The following TEAD1 variants were observed in gnomAD, a reference collection of about 807,000 sequenced individuals.
The protein encoded by TEAD1 is transcriptional enhancer factor TEF-1.
TEAD1 carries 9 observed loss-of-function variants against 54.9 expected under a neutral mutation model. The ratio of observed to expected loss-of-function variants is 0.16; its 90% CI spans 0.10 to 0.29. The LOEUF (loss-of-function observed/expected upper bound fraction) is 0.29. TEAD1 is among the 10% of genes least tolerant of loss of function. The probability of loss-of-function intolerance (pLI) is 1.00; values close to 1 mark genes in which losing one functional copy is unlikely to be tolerated. For missense variants in TEAD1, 387 were observed against 535.9 expected (o/e 0.72, Z 2.74); for synonymous variants, 200 against 187.8 (o/e 1.07, Z -0.53).
intron 2 of TEAD1, among the ~76,000 whole-genome samples, chr11:12,763,195 G>C (rs1945135381): frequency 6.6e-6 from 1 of 152,176 alleles, no homozygotes; most frequent in Non-Finnish European, 1.5e-5. Flanking sequence ...ATGACCATAG[G>C]TTATATACAT....
chr11:12,777,466 C>A (rs539299626), intron 3 of TEAD1, among the ~76,000 whole-genome samples: 46 of 152,290 alleles, frequency 3.0e-4, no homozygotes, highest in Admixed American at 1.8e-3. Flanking sequence ...GGTTCTATTA[C>A]AAACACAGTA....
chr11:12,871,821 C>T (rs16911692), intron 5 of TEAD1, among the ~76,000 whole-genome samples: 3,234 of 152,162 alleles, frequency 0.021, 120 homozygotes, highest in African/African-American at 0.073. Context: ...GCCCTCCGCT[C>T]GGCAGGAATA....
At chr11:12,747,536 A>G (rs986130772) in intron 2 of TEAD1, among the ~76,000 whole-genome samples, 1 of 152,014 alleles carries the variant, frequency 6.6e-6, no homozygotes, top group African/African-American at 2.4e-5. Context: ...TGGTTTCACT[A>G]TTTTGGCAAG....
rs55647097 is a variant in TEAD1, at chr11:12,809,974, C to CTTT, written c.202+45562_202+45564dup. Among the ~76,000 whole-genome samples, 853 of 115,448 alleles carry CTTT rather than the reference C, an allele frequency of 7.4e-3. 33 individuals carry two copies. The highest frequency in any genetic ancestry group is 0.017 in the African/African-American group (467 of 26,990). 75.7% of individuals were successfully genotyped at this position (115,448 alleles called of 152,430 possible). A position where few individuals can be genotyped will look rare whatever the true frequency, so the allele number is the denominator to read the frequency against. ...AAAGAAAGAAAACTCTTTCCCCATT[C>CTTT]TTTTTTTTTTTTTTTTTTTTTTTTG... On this transcript the variant is annotated intron_variant, in intron 3 of 12. Coordinates refer to ENST00000527636, the MANE Select transcript of TEAD1 (RefSeq NM_021961.6).
chr11:12,882,391 G>C (rs1947991206), intron 8 of TEAD1, among the ~76,000 whole-genome samples: 1 of 152,074 alleles, frequency 6.6e-6, no homozygotes. Context: ...TGGAAAACAT[G>C]AATCTGTCTA....
At chr11:12,900,439 T>G (rs1948406335) in intron 9 of TEAD1, among the ~76,000 whole-genome samples, 1 of 152,222 alleles carries the variant, frequency 6.6e-6, no homozygotes, top group Non-Finnish European at 1.5e-5. Context: ...TAGCTAGATT[T>G]TATTGACTGC....
Position 12,764,243 on chromosome 11 carries a change from G to A in TEAD1, c.11G>A (p.Ser4Asn). Reference sequence around the variant, plus strand: ...AATCCCACCGCCAAAATTGAGCCCAGCAGCTGGAGCGGCAGTGAGAGCCCT... The same window carrying A: ...AATCCCACCGCCAAAATTGAGCCCAACAGCTGGAGCGGCAGTGAGAGCCCT... The change falls in exon 3 of 13, where the codon AGC becomes AAC. Residue 4 changes from serine (S) to asparagine (N), a missense_variant. Transcript: ENST00000527636. The A allele has an allele frequency of 6.2e-7, 1 of 1,613,868 alleles. No individual in the cohort carries two copies. Among genetic ancestry groups the A allele is most frequent in the Middle Eastern group, 1.7e-4 (1 of 6,026 alleles).
At chr11:12,862,428 T>G in intron 4 of TEAD1, 114 bp downstream of exon 4, 1 of 863,828 alleles carries the variant, frequency 1.2e-6, no homozygotes, top group Non-Finnish European at 2.0e-6. Flanking sequence ...GAGTTCCCTG[T>G]AAGGACGTCA....
intron 2 of TEAD1, among the ~76,000 whole-genome samples, chr11:12,740,158 A>G (rs2133891240): frequency 6.6e-6 from 1 of 152,268 alleles, no homozygotes; most frequent in Non-Finnish European, 1.5e-5. Flanking sequence ...CTAGATTTAA[A>G]TCCTGGCTCT....
intron 2 of TEAD1, among the ~76,000 whole-genome samples, chr11:12,711,218 T>C (rs1306353351): frequency 6.6e-6 from 1 of 151,662 alleles, no homozygotes; most frequent in African/African-American, 2.4e-5. Context: ...CGGGAAGAGG[T>C]GATCAGGCCG....
At chr11:12,911,136 C>CA (rs1564987487) in intron 10 of TEAD1, among the ~76,000 whole-genome samples, 1 of 151,764 alleles carries the variant, frequency 6.6e-6, no homozygotes, top group South Asian at 2.1e-4. Context: ...TTTTATAAAA[C>CA]AAAAAAAGGG....
intron 5 of TEAD1, among the ~76,000 whole-genome samples, chr11:12,871,801 T>G (rs1947750997): frequency 6.6e-6 from 1 of 152,050 alleles, no homozygotes; most frequent in African/African-American, 2.4e-5. Context: ...GGAAAGGAAG[T>G]CTTCGCCGTG....
chr11:12,743,318 G>A (rs1317947503), intron 2 of TEAD1, among the ~76,000 whole-genome samples: 3 of 152,116 alleles, frequency 2.0e-5, no homozygotes, highest in Non-Finnish European at 4.4e-5. Context: ...AAACCAATAC[G>A]AGGGTGGCCT....
In TEAD1 at chr11:12,795,491, T is replaced by G. The variant is rs7120902; in HGVS notation, c.202+31057T>G. ...TTAAAGAGGATCAGTAATTTGGGTA[T>G]GGTCACAATTAGGCAGTGTTGGGAC... On this transcript the variant is annotated intron_variant, in intron 3 of 12. Coordinates refer to ENST00000527636, the MANE Select transcript of TEAD1 (RefSeq NM_021961.6). Among the ~76,000 whole-genome samples the G allele has an allele frequency of 4.3e-3, 654 of 152,310 alleles. 7 individuals are homozygous for G. Among genetic ancestry groups the G allele is most frequent in the African/African-American group, 0.014 (599 of 41,564 alleles).
chr11:12,791,736 T>G (rs903772061), intron 3 of TEAD1, among the ~76,000 whole-genome samples: 8 of 152,202 alleles, frequency 5.3e-5, no homozygotes, highest in Non-Finnish European at 7.3e-5. Flanking sequence ...AGTTATAAGC[T>G]GTTCCTATAA....
chr11:12,876,030 C>T (rs750555330), intron 5 of TEAD1, among the ~76,000 whole-genome samples: 1 of 152,114 alleles, frequency 6.6e-6, no homozygotes. Context: ...GCCAGGTCTC[C>T]GGACACCCCA....
intron 2 of TEAD1, among the ~76,000 whole-genome samples, chr11:12,688,923 A>AT (rs926899599): frequency 6.6e-6 from 1 of 150,978 alleles, no homozygotes; most frequent in African/African-American, 2.4e-5. Context: ...GGGGTCATTT[A>AT]TTTGCCTTTT....
At chr11:12,890,648 A>C (rs911397691) in intron 9 of TEAD1, among the ~76,000 whole-genome samples, 3 of 152,220 alleles carry the variant, frequency 2.0e-5, no homozygotes, top group African/African-American at 7.2e-5. Flanking sequence ...TCTGAACCTG[A>C]ATGTCTTACA....
At chr11:12,898,779 A>G (rs1393732186) in intron 9 of TEAD1, among the ~76,000 whole-genome samples, 1 of 152,196 alleles carries the variant, frequency 6.6e-6, no homozygotes, top group African/African-American at 2.4e-5. Context: ...TGTTGCAAAT[A>G]TTACAGGTAT....
Sources: allele counts gnomAD v4.1 joint callset (sites outside exome capture counted in the v4.1 genomes callset), GRCh38; gene constraint gnomAD v4.1.1; transcripts MANE v1.5; gene names NCBI Gene and HGNC (gene_info 2026-07-23, HGNC 2026-07-21).